Variants in ANO1 observed in about 807,000 individuals in gnomAD.
The protein encoded by ANO1 is anoctamin 1.
A neutral mutation model predicts 124.0 loss-of-function variants in ANO1; 59 were observed. That is an observed-to-expected ratio of 0.48 (90% CI 0.39 to 0.59). The LOEUF (loss-of-function observed/expected upper bound fraction) is 0.59, where lower values mean the gene tolerates loss of function less well. ANO1 is among the 20% of genes least tolerant of loss of function. The probability of loss-of-function intolerance (pLI) is 0.00; values close to 1 mark genes in which losing one functional copy is unlikely to be tolerated. For synonymous variants in ANO1, 529 were observed against 532.0 expected, an observed-to-expected ratio of 0.99 and a Z score of 0.08; for missense variants, 1,059 against 1,328.0, an observed-to-expected ratio of 0.80 and a Z score of 3.15.
At chr11:70,058,095 T>C (rs577892082) in intron 1 of ANO1, among the ~76,000 whole-genome samples, 1 of 152,132 alleles carries the variant, frequency 6.6e-6, no homozygotes, top group Non-Finnish European at 1.5e-5. Flanking sequence ...GCATTTGTTG[T>C]ATAGAATGAT....
At chr11:70,103,862 TG>T in intron 3 of ANO1, 136 bp from the exon 4 acceptor site, 3 of 923,212 alleles carry the variant, frequency 3.2e-6, no homozygotes, top group Non-Finnish European at 4.7e-6. Flanking sequence ...CGGTGCATTC[TG>T]GCCCACCCAG....
rs763145395 is a variant in ANO1, at chr11:70,187,719, G to A, written c.2695-19G>A. ...CAGGCGCCATCCTCCCTTCTGCCAC[G>A]CGTTGCCTCTCCTTCCAGAACCTGG... On this transcript the variant is annotated intron_variant, in intron 25 of 25. Transcript: ENST00000355303. 47 of 1,598,076 alleles carry A rather than the reference G, an allele frequency of 2.9e-5. No individual in the cohort carries two copies. The highest frequency in any genetic ancestry group is 1.7e-4 in the Middle Eastern group (1 of 6,060).
At chr11:70,023,195 G>A (rs1856836435) in intron 1 of ANO1, among the ~76,000 whole-genome samples, 1 of 152,226 alleles carries the variant, frequency 6.6e-6, no homozygotes, top group Non-Finnish European at 1.5e-5. Flanking sequence ...TGCACAGTGG[G>A]AAACTCGTGC....
At chr11:70,103,195 A>G in intron 3 of ANO1, 31 bp downstream of exon 3, 1 of 1,571,924 alleles carries the variant, frequency 6.4e-7, no homozygotes, top group East Asian at 2.3e-5. Context: ...TCCGAAATGA[A>G]TCGCCAAGTC....
At chr11:70,087,391 C>G (rs775567757) in intron 1 of ANO1, among the ~76,000 whole-genome samples, 3 of 152,140 alleles carry the variant, frequency 2.0e-5, no homozygotes, top group Non-Finnish European at 4.4e-5. Context: ...ATTTTTTGTA[C>G]CCATTAACCA....
Position 70,149,167 on chromosome 11 carries a change from G to A in ANO1, c.1259-543G>A, listed in dbSNP as rs74886582. Among the ~76,000 whole-genome samples the A allele has an allele frequency of 1.4e-3, 212 of 152,186 alleles. 1 individual carries two copies. Among genetic ancestry groups the A allele is most frequent in the Admixed American group, 2.2e-3 (34 of 15,294 alleles). On this transcript the variant is annotated intron_variant, in intron 11 of 25. Transcript: ENST00000355303. The stretch of plus-strand genomic sequence containing the variant: ...GAGGCACGGGCTCTCAGACCATGCT[G>A]CCCATCCCTCACTGACTAGCTGGGT...
intron 10 of ANO1, among the ~76,000 whole-genome samples, chr11:70,131,571 G>T (rs113567321): frequency 4.6e-5 from 7 of 152,116 alleles, no homozygotes; most frequent in African/African-American, 1.7e-4. Context: ...CAGGTGATCC[G>T]CCCGCCTTGG....
the ANO1 span, among the ~76,000 whole-genome samples, chr11:69,980,435 A>G: frequency 2.0e-5 from 3 of 151,998 alleles, no homozygotes; most frequent in Non-Finnish European, 4.4e-5. Flanking sequence ...CCTGGCTAAC[A>G]CGGTGAAACC....
intron 24 of ANO1, among the ~76,000 whole-genome samples, chr11:70,184,594 G>A (rs1013076956): frequency 5.9e-5 from 9 of 152,232 alleles, no homozygotes; most frequent in Admixed American, 2.0e-4. Flanking sequence ...CCCCAGACCC[G>A]GGTAGGGCAG....
At chr11:70,131,880 C>A in intron 10 of ANO1, 39 bp from the exon 11 acceptor site, 1 of 1,580,420 alleles carries the variant, frequency 6.3e-7, no homozygotes, top group Non-Finnish European at 8.6e-7. Flanking sequence ...TCCATCATGG[C>A]CCAACAAGGT....
chr11:70,170,404 C>A (rs2048416362), intron 21 of ANO1, among the ~76,000 whole-genome samples: 1 of 152,188 alleles, frequency 6.6e-6, no homozygotes, highest in Non-Finnish European at 1.5e-5. Context: ...CCAGCCCAGG[C>A]AACATAGCAA....
At chr11:70,156,665 C>T (rs1001969458) in intron 15 of ANO1, among the ~76,000 whole-genome samples, 2 of 152,202 alleles carry the variant, frequency 1.3e-5, no homozygotes, top group African/African-American at 4.8e-5. Flanking sequence ...TTTAGAAAGG[C>T]AGCTGGCATT....
intron 1 of ANO1, among the ~76,000 whole-genome samples, chr11:70,030,184 C>G (rs1178194008): frequency 6.6e-6 from 1 of 152,204 alleles, no homozygotes; most frequent in Non-Finnish European, 1.5e-5. Flanking sequence ...CTGAGATGAC[C>G]GAAGACGCCT....
the ANO1 span, among the ~76,000 whole-genome samples, chr11:69,971,164 G>A: frequency 6.6e-6 from 1 of 152,160 alleles, no homozygotes; most frequent in Non-Finnish European, 1.5e-5. Flanking sequence ...CCTGTGCTGG[G>A]GGGGCACCAA....
chr11:70,121,603 G>C (rs1590790384), intron 8 of ANO1, among the ~76,000 whole-genome samples: 1 of 100,394 alleles, frequency 1.0e-5, no homozygotes, highest in African/African-American at 3.9e-5. Flanking sequence ...ATCTGCCTCT[G>C]TCTCTCTCTC....
chr11:69,977,880 A>G, the ANO1 span, among the ~76,000 whole-genome samples: 1 of 152,310 alleles, frequency 6.6e-6, no homozygotes, highest in Admixed American at 6.5e-5. Flanking sequence ...ATGTCTGGGA[A>G]TGAATTATCT....
intron 8 of ANO1, among the ~76,000 whole-genome samples, chr11:70,117,100 CTTTTTTT>C (rs756764991): frequency 1.6e-5 from 1 of 61,552 alleles, no homozygotes; most frequent in African/African-American, 6.3e-5. Flanking sequence ...TTGTTTCTTT[CTTTTTTT>C]TTTTTTTTTT....
chr11:70,129,459 A>C (rs2046656888), intron 10 of ANO1: 1 of 152,222 alleles, frequency 6.6e-6, no homozygotes, highest in Non-Finnish European at 1.5e-5. Flanking sequence ...CTGACCGTAG[A>C]GTGCAGGTTC....
upstream of ANO1, among the ~76,000 whole-genome samples, chr11:69,985,596 G>A (rs7940681): frequency 0.45 from 69,188 of 152,108 alleles, 17,037 homozygotes; most frequent in South Asian, 0.69. Flanking sequence ...GCCCCCTCCT[G>A]TAGTCAACAC....
Sources: gnomAD v4.1 joint callset for allele counts (sites outside exome capture counted in the v4.1 genomes callset) on GRCh38, gnomAD v4.1.1 for gene constraint, MANE v1.5 for transcripts, NCBI Gene and HGNC (gene_info 2026-07-23, HGNC 2026-07-21) for gene names.